RBFOX1: variants seen among roughly 807,000 people sequenced by gnomAD.
RBFOX1 encodes RNA binding protein fox-1 homolog 1.
A neutral mutation model predicts 57.7 loss-of-function variants in RBFOX1; 8 were observed. The observed-to-expected ratio is 0.14, with a 90% CI of 0.08 to 0.25. The LOEUF (loss-of-function observed/expected upper bound fraction) is 0.25. RBFOX1 is among the 10% of genes least tolerant of loss of function. RBFOX1 has a pLI of 1.00. For synonymous variants in RBFOX1, 326 were observed against 222.4 expected (o/e 1.47, Z -4.15); for missense variants, 611 against 548.5 (o/e 1.11, Z -1.14).
chr16:7,411,120 A>G (rs1356663790), intron 4 of RBFOX1, among the ~76,000 whole-genome samples: 1 of 151,820 alleles, frequency 6.6e-6, no homozygotes, highest in Non-Finnish European at 1.5e-5. Context: ...CAATTTTTGT[A>G]TTTTTAGTAG....
At chr16:6,825,996 C>T (rs2092081926) in intron 3 of RBFOX1, among the ~76,000 whole-genome samples, 1 of 152,140 alleles carries the variant, frequency 6.6e-6, no homozygotes, top group Non-Finnish European at 1.5e-5. Context: ...GTTGAACCTT[C>T]TTTACATTTT....
intron 1 of RBFOX1, chr16:6,059,110 CAT>C (rs1304451965): frequency 2.0e-5 from 3 of 152,116 alleles, no homozygotes; most frequent in Admixed American, 1.3e-4. Flanking sequence ...TCATAATTTG[CAT>C]ATATAGGGTT....
At chr16:5,695,408 G>A (rs2151469467) in intron 3 of RBFOX1, among the ~76,000 whole-genome samples, 1 of 152,230 alleles carries the variant, frequency 6.6e-6, no homozygotes, top group South Asian at 2.1e-4. Flanking sequence ...AGAAATCACT[G>A]AGAATCTCTA....
intron 1 of RBFOX1, among the ~76,000 whole-genome samples, chr16:6,288,561 T>C (rs2077131882): frequency 6.6e-6 from 1 of 152,160 alleles, no homozygotes; most frequent in Non-Finnish European, 1.5e-5. Flanking sequence ...ATTTTTGTTA[T>C]CTCCAGTTTA....
chr16:7,363,540 C>T (rs1036572967), intron 4 of RBFOX1, among the ~76,000 whole-genome samples: 6 of 152,072 alleles, frequency 3.9e-5, no homozygotes, highest in Non-Finnish European at 8.8e-5. Context: ...GCCTCTCAGC[C>T]TGGCAAAGTG....
At chr16:7,268,356 A>G (rs2095228339) in intron 4 of RBFOX1, among the ~76,000 whole-genome samples, 2 of 152,202 alleles carry the variant, frequency 1.3e-5, no homozygotes, top group African/African-American at 4.8e-5. Context: ...AGGCTGCTGA[A>G]GAAGTCCAGG....
At chr16:5,271,088 C>G (rs1206667953) in intron 1 of RBFOX1, 1 of 192,928 alleles carries the variant, frequency 5.2e-6, no homozygotes. Context: ...GAGGTTGAGG[C>G]ATGAGAATCA....
At chr16:5,406,338 A>G (rs910476262) in intron 1 of RBFOX1, among the ~76,000 whole-genome samples, 29 of 148,436 alleles carry the variant, frequency 2.0e-4, no homozygotes, top group African/African-American at 7.2e-4. Flanking sequence ...TCTGAATAGA[A>G]CAAAAGGTGG....
chr16:7,646,536 G>A (rs996865139), intron 11 of RBFOX1, among the ~76,000 whole-genome samples: 8 of 152,212 alleles, frequency 5.3e-5, no homozygotes, highest in African/African-American at 1.9e-4. Context: ...CAAAGGGAGA[G>A]GAGGAGCAGG....
At chr16:6,793,247 G>C (rs1443146229) in intron 3 of RBFOX1, among the ~76,000 whole-genome samples, 3 of 152,104 alleles carry the variant, frequency 2.0e-5, no homozygotes, top group Non-Finnish European at 4.4e-5. Context: ...CATTCCAGTA[G>C]ACCGATTGGA....
chr16:6,723,679 C>T (rs905386592), intron 3 of RBFOX1: 1 of 152,058 alleles, frequency 6.6e-6, no homozygotes, highest in Non-Finnish European at 1.5e-5. Context: ...AGCAAATAGT[C>T]TGATTTTGAA....
intron 3 of RBFOX1, among the ~76,000 whole-genome samples, chr16:6,772,978 CGTGTGT>C (rs1054018068): frequency 6.8e-4 from 37 of 54,776 alleles, no homozygotes; most frequent in Non-Finnish European, 2.2e-4. Flanking sequence ...CATTTGTGTG[CGTGTGT>C]GTGGGTGTGG....
At chr16:5,468,975 C>A (rs928541969) in intron 2 of RBFOX1, among the ~76,000 whole-genome samples, 1 of 152,198 alleles carries the variant, frequency 6.6e-6, no homozygotes, top group Non-Finnish European at 1.5e-5. Flanking sequence ...ATACCTTTTC[C>A]CTTGCTCTTG....
chr16:5,283,021 C>G (rs986054386), intron 1 of RBFOX1, among the ~76,000 whole-genome samples: 7 of 152,066 alleles, frequency 4.6e-5, no homozygotes, highest in Non-Finnish European at 2.9e-5. Context: ...CTGTGAGCAG[C>G]CTAGGGTGCC....
intron 13 of RBFOX1, among the ~76,000 whole-genome samples, chr16:7,668,740 T>A (rs1409016340): frequency 3.9e-5 from 6 of 152,188 alleles, no homozygotes; most frequent in African/African-American, 1.4e-4. Flanking sequence ...TCAAATCTTT[T>A]GATATGTTCA....
intron 4 of RBFOX1, among the ~76,000 whole-genome samples, chr16:7,504,775 A>ATT (rs2072567119): frequency 3.5e-4 from 5 of 14,230 alleles, no homozygotes; most frequent in Non-Finnish European, 1.4e-3. Flanking sequence ...ATATATTTAT[A>ATT]TATATATATA....
chr16:7,245,606 T>G (rs1006089005), intron 4 of RBFOX1, among the ~76,000 whole-genome samples: 3 of 152,254 alleles, frequency 2.0e-5, no homozygotes, highest in African/African-American at 7.2e-5. Context: ...TCTGAGAGGT[T>G]AAACTTTTGG....
At chr16:5,308,864 C>T (rs954708584) in intron 1 of RBFOX1, among the ~76,000 whole-genome samples, 56 of 152,186 alleles carry the variant, frequency 3.7e-4, no homozygotes, top group East Asian at 3.9e-4. Context: ...TGCACGGCAC[C>T]GCTGTTGTCC....
chr16:6,114,660 G>C (rs2096481085), intron 1 of RBFOX1, among the ~76,000 whole-genome samples: 3 of 152,144 alleles, frequency 2.0e-5, no homozygotes, highest in South Asian at 4.1e-4. Context: ...TGCTTGCCTT[G>C]TCTGTTGGCA....
Sources: gnomAD v4.1 joint callset for allele counts (sites outside exome capture counted in the v4.1 genomes callset) on GRCh38, gnomAD v4.1.1 for gene constraint, MANE v1.5 for transcripts, NCBI Gene and HGNC (gene_info 2026-07-23, HGNC 2026-07-21) for gene names.